The following LRFN5 variants were observed in gnomAD, a reference collection of about 807,000 sequenced individuals.
LRFN5 encodes the protein leucine rich repeat and fibronectin type III domain containing 5.
A neutral mutation model predicts 45.6 loss-of-function variants in LRFN5; 24 were observed. The observed-to-expected ratio is 0.53, with a 90% confidence interval of 0.38 to 0.74. The LOEUF is 0.74. LRFN5 is among the 30% of genes least tolerant of loss of function. The pLI, the probability that LRFN5 is intolerant of heterozygous loss-of-function variation, is 0.00. For missense variants in LRFN5, 776 were observed against 861.5 expected, an observed-to-expected ratio of 0.90 and a Z score of 1.24; for synonymous variants, 340 against 313.8, an observed-to-expected ratio of 1.08 and a Z score of -0.88.
At chr14:41,794,930 T>C (rs1354032671) in intron 2 of LRFN5, among the ~76,000 whole-genome samples, 1 of 151,958 alleles carries the variant, frequency 6.6e-6, no homozygotes, top group African/African-American at 2.4e-5. Flanking sequence ...TATTTAAATA[T>C]ATATGTCAGT....
At chr14:41,673,884 G>C (rs1215676079) in intron 1 of LRFN5, among the ~76,000 whole-genome samples, 2 of 147,502 alleles carry the variant, frequency 1.4e-5, no homozygotes, top group Admixed American at 6.7e-5. Flanking sequence ...AGGGCGGCTG[G>C]CCAGGTGGGG....
intron 2 of LRFN5, among the ~76,000 whole-genome samples, chr14:41,850,778 A>G (rs1259327480): frequency 2.6e-5 from 4 of 151,834 alleles, no homozygotes; most frequent in African/African-American, 9.7e-5. Flanking sequence ...ACAGTACAAC[A>G]GTCCTCTGTC....
chr14:41,820,158 G>T (rs895041428), intron 2 of LRFN5, among the ~76,000 whole-genome samples: 2 of 151,746 alleles, frequency 1.3e-5, no homozygotes, highest in South Asian at 2.1e-4. Context: ...TGTTGCATTT[G>T]CTTTTGAGGT....
At chr14:41,709,011 G>A (rs1033336899) in intron 1 of LRFN5, among the ~76,000 whole-genome samples, 1 of 151,884 alleles carries the variant, frequency 6.6e-6, no homozygotes. Context: ...GGATATGAAC[G>A]TGGTGATATT....
chr14:41,739,667 A>C (rs1210611515), intron 1 of LRFN5, among the ~76,000 whole-genome samples: 1 of 152,012 alleles, frequency 6.6e-6, no homozygotes, highest in Non-Finnish European at 1.5e-5. Flanking sequence ...GAAAAAAAAA[A>C]ACAAACTAAG....
At chr14:41,793,469 T>C (rs1322868253) in intron 2 of LRFN5, among the ~76,000 whole-genome samples, 4 of 152,106 alleles carry the variant, frequency 2.6e-5, no homozygotes. Flanking sequence ...TAGAAAACTT[T>C]TTAAATATAT....
rs761183050 is a variant in LRFN5, at chr14:41,887,492, T to C, written c.867T>C (p.Ile289=). The stretch of plus-strand genomic sequence containing the variant: ...AGTTTTTGTGTGAGCCTCCTCTCAT[T>C]ACTCGTCATACACATGAGATGAGAG... ...EEEFLCEPPL[I]TRHTHEMRVL... is the part of the protein sequence containing the mutation. The change falls in exon 3 of 6, where the codon ATT becomes ATC. Residue 289 remains isoleucine, a synonymous_variant. Coordinates refer to ENST00000298119, the MANE Select transcript of LRFN5 (RefSeq NM_152447.5). This position sits in a 1 kb window ranked among gnomAD's most constrained non-coding sequence, Gnocchi z 4.8. The C allele has an allele frequency of 6.2e-7, 1 of 1,614,152 alleles. No homozygotes were observed. The highest frequency in any genetic ancestry group is 1.1e-5 in the South Asian group (1 of 91,082).
chr14:41,812,548 C>T (rs1177433445), intron 2 of LRFN5, among the ~76,000 whole-genome samples: 1 of 151,674 alleles, frequency 6.6e-6, no homozygotes, highest in Admixed American at 6.6e-5. Context: ...CAAAGGCACA[C>T]AGAAAACTTG....
At chr14:41,833,813 G>A (rs1888567772) in intron 2 of LRFN5, among the ~76,000 whole-genome samples, 1 of 152,092 alleles carries the variant, frequency 6.6e-6, no homozygotes, top group African/African-American at 2.4e-5. Context: ...CTCTTGGTAG[G>A]GAGAGAGTTG....
At chr14:41,646,438 G>T (rs1376305448) in intron 1 of LRFN5, among the ~76,000 whole-genome samples, 2 of 152,098 alleles carry the variant, frequency 1.3e-5, no homozygotes, top group African/African-American at 4.8e-5. Context: ...CTTTTTGGGT[G>T]AGGATATTCA....
intron 1 of LRFN5, among the ~76,000 whole-genome samples, chr14:41,690,445 CA>C (rs1882328866): frequency 6.6e-6 from 1 of 152,050 alleles, no homozygotes; most frequent in African/African-American, 2.4e-5. Flanking sequence ...CGCAGCTACT[CA>C]AGAGGCTGAG....
chr14:41,881,377 CTTAA>C lies in LRFN5; in HGVS notation c.-20-5225_-20-5222del, dbSNP rs1420600395. Among the ~76,000 whole-genome samples the C allele has an allele frequency of 5.9e-5, 9 of 151,284 alleles. No individual in the cohort carries two copies. In the East Asian group the frequency reaches 1.7e-3, roughly 29 times the overall value. Reference sequence around the variant, plus strand: ...ATATATTATTTCATTTTCTTTTGACCTTAATTATGATGAGAATTCAGTTGTAAAT... The same window carrying C: ...ATATATTATTTCATTTTCTTTTGACCTTATGATGAGAATTCAGTTGTAAAT... On this transcript the variant is annotated intron_variant, in intron 2 of 5. Transcript: ENST00000298119.
intron 2 of LRFN5, among the ~76,000 whole-genome samples, chr14:41,856,690 T>A (rs1248099782): frequency 1.1e-5 from 1 of 94,756 alleles, no homozygotes; most frequent in African/African-American, 4.6e-5. Flanking sequence ...TTTTTTTTTT[T>A]TTTTGAGACG....
chr14:41,888,650 G>C (rs1890665662), intron 3 of LRFN5, among the ~76,000 whole-genome samples: 1 of 152,006 alleles, frequency 6.6e-6, no homozygotes, highest in Non-Finnish European at 1.5e-5. Context: ...TGTCTGTGTG[G>C]TTGTGTTGTC....
At chr14:41,751,427 A>G (rs183179194) in intron 1 of LRFN5, among the ~76,000 whole-genome samples, 92 of 152,156 alleles carry the variant, frequency 6.0e-4, no homozygotes, top group South Asian at 4.6e-3. Context: ...CCACATATAT[A>G]TATTTTTCAT....
intron 2 of LRFN5, among the ~76,000 whole-genome samples, chr14:41,858,245 C>T (rs1225046145): frequency 2.0e-5 from 3 of 152,108 alleles, no homozygotes; most frequent in African/African-American, 7.2e-5. Context: ...CAGGGCCTAT[C>T]GTAACCCTTT....
intron 1 of LRFN5, among the ~76,000 whole-genome samples, chr14:41,654,011 G>T (rs936196760): frequency 6.6e-6 from 1 of 151,836 alleles, no homozygotes; most frequent in Non-Finnish European, 1.5e-5. Flanking sequence ...GAACACTTGG[G>T]CACAGGAAGG....
At chr14:41,828,159 GT>G (rs553458695) in intron 2 of LRFN5, among the ~76,000 whole-genome samples, 90 of 152,000 alleles carry the variant, frequency 5.9e-4, no homozygotes, top group African/African-American at 1.9e-3. Context: ...CAGACTGTAC[GT>G]TTTAGATTTT....
chr14:41,619,904 C>T (rs183887302), intron 1 of LRFN5, among the ~76,000 whole-genome samples: 44 of 151,988 alleles, frequency 2.9e-4, no homozygotes, highest in South Asian at 1.7e-3. Context: ...CCTCACACAG[C>T]GACTGGCAAA....
Sources: gnomAD v4.1 joint callset for allele counts (sites outside exome capture counted in the v4.1 genomes callset) on GRCh38, gnomAD v4.1.1 for gene constraint, Gnocchi (gnomAD v3.1) non-coding constraint, MANE v1.5 for transcripts, NCBI Gene and HGNC (gene_info 2026-07-23, HGNC 2026-07-21) for gene names.